ERCC3: variants seen among roughly 807,000 people sequenced by gnomAD.
ERCC3 encodes ERCC excision repair 3, TFIIH core complex helicase subunit.
Under a neutral mutation model 94.2 loss-of-function variants are expected in ERCC3, and 66 were observed. The ratio of observed to expected loss-of-function variants is 0.70; its 90% CI spans 0.57 to 0.86. ERCC3 has a LOEUF of 0.86. ERCC3 is among the 40% of genes least tolerant of loss of function. ERCC3 has a pLI of 0.00. For synonymous variants in ERCC3, 349 were observed against 369.1 expected, an observed-to-expected ratio of 0.95 and a Z score of 0.63; for missense variants, 829 against 987.1, an observed-to-expected ratio of 0.84 and a Z score of 2.15.
intron 3 of ERCC3, chr2:127,290,625 A>G (rs1446993459): frequency 4.8e-5 from 17 of 356,080 alleles, no homozygotes; most frequent in Non-Finnish European, 9.1e-5. Flanking sequence ...GTATGTGCAC[A>G]GTAATTGCGG....
At position 127,264,159 on chromosome 2, in the gene ERCC3, A is replaced by AT. The variant is rs1684283607; in HGVS notation, c.1946-2814_1946-2813insA. On this transcript the variant is annotated intron_variant, in intron 12 of 14. Coordinates refer to ENST00000285398, the MANE Select transcript of ERCC3 (RefSeq NM_000122.2). The surrounding 1 kb of genome is among the most constrained non-coding windows in gnomAD (Gnocchi z 4.4). ...GGGTTTTTATCATGAAGGAATGTTG[A>AT]ATTTTATCAAAAGCTCTTTCTGGGC... Among the ~76,000 whole-genome samples the AT allele has an allele frequency of 6.6e-6, 1 of 152,138 alleles. No homozygotes were observed. The highest frequency in any genetic ancestry group is 2.1e-4 in the South Asian group (1 of 4,834).
chr2:127,263,723 T>C (rs1684266999), intron 12 of ERCC3, among the ~76,000 whole-genome samples: 1 of 148,278 alleles, frequency 6.7e-6, no homozygotes, highest in Admixed American at 6.8e-5. Flanking sequence ...TTTTTTTTTC[T>C]GGGGGACGGA....
At chr2:127,260,852 T>C (rs1035078504) in intron 13 of ERCC3, 2 of 220,558 alleles carry the variant, frequency 9.1e-6, no homozygotes, top group Admixed American at 1.0e-4. Context: ...TTAAAATACC[T>C]GATTTGTAGT....
chr2:127,290,090 CTT>C lies in ERCC3; in HGVS notation c.521+132_521+133del, dbSNP rs910526854. The C allele has an allele frequency of 7.5e-5, 64 of 851,482 alleles. No individual in the cohort carries two copies. The East Asian group carries it at 1.3e-3, about 17-fold the overall frequency. The allele number at this position is 851,482 out of a possible 1,614,324, so 52.7% of individuals were successfully genotyped here. ...TGAGTTTCCAGTCTGGGCCACATCT[CTT>C]GTTTCTCTTCTCTTATCTGTGCTTC... On this transcript the variant is annotated intron_variant, in intron 4 of 14. Transcript: ENST00000285398.
chr2:127,286,779 C>G lies in ERCC3; in HGVS notation c.1266G>C (p.Glu422Asp). The G allele has an allele frequency of 6.2e-7, 1 of 1,614,160 alleles. No individual in the cohort carries two copies. The highest frequency in any genetic ancestry group is 1.3e-5 in the African/African-American group (1 of 75,052). Reference sequence around the variant, plus strand: ...TGAGCCACTCCATGACTCGCTCGGCCTCCCAGGACCTTTTGGTGGTGTGGC... The same window carrying G: ...TGAGCCACTCCATGACTCGCTCGGCGTCCCAGGACCTTTTGGTGGTGTGGC... Reference protein sequence around the residue: ...MLGHTTKRSWEAERVMEWLKT... With the variant: ...MLGHTTKRSWDAERVMEWLKT... Residue 422 changes from glutamate to aspartate, a missense_variant, in exon 8 of 15, where the codon GAG (glutamate) becomes GAC (aspartate). Physicochemically the swap from Glu to Asp is conservative, Grantham distance 45. Coordinates refer to ENST00000285398, the MANE Select transcript of ERCC3 (RefSeq NM_000122.2).
Position 127,292,597 on chromosome 2 carries a change from A to G in ERCC3, c.471+13T>C. ...CAGGGCAGGTGGAATTGCTGGTCTC[A>G]GCTGTCACTTGCCTTAATAAACTGC... On this transcript the variant is annotated intron_variant, in intron 3 of 14. Transcript: ENST00000285398. The G allele has an allele frequency of 1.9e-6, 3 of 1,538,782 alleles. No individual in the cohort carries two copies. Among genetic ancestry groups the G allele is most frequent in the African/African-American group, 1.4e-5 (1 of 73,496 alleles).
intron 10 of ERCC3, among the ~76,000 whole-genome samples, chr2:127,278,726 C>T (rs2104758946): frequency 6.6e-6 from 1 of 152,338 alleles, no homozygotes; most frequent in South Asian, 2.1e-4. Context: ...GAGGATACTG[C>T]GTGGGCATTT....
chr2:127,273,048 A>G, intron 10 of ERCC3, 87 bp from the exon 11 acceptor site: 1 of 857,308 alleles, frequency 1.2e-6, no homozygotes, highest in Non-Finnish European at 2.0e-6. Flanking sequence ...AGCTCAGGCT[A>G]GCTCTTCTCA....
At position 127,257,555 on chromosome 2, in the gene ERCC3, G is replaced by A. The variant is rs1684050585; in HGVS notation, c.*41C>T. ...TGCTGAAAATCCCTTTCCAACAAGG[G>A]TGCCAAGCGCCGGTCTTGAACGAAG... is the stretch of plus-strand genomic sequence containing the variant. On this transcript the variant is annotated 3_prime_UTR_variant, in exon 15 of 15. Transcript: ENST00000285398. The surrounding 1 kb of genome is among the most constrained non-coding windows in gnomAD (Gnocchi z 5.4). 6.2e-6 allele frequency: 10 copies of A among 1,611,998 alleles called. No individual in the cohort carries two copies. The highest frequency in any genetic ancestry group is 8.5e-6 in the Non-Finnish European group (10 of 1,179,462).
chr2:127,293,533 T>C lies in ERCC3; in HGVS notation c.214A>G (p.Thr72Ala), dbSNP rs1558965389. ...CTTACCACCCAGAGGGGCCTGGAGG[T>C]GTGGTCGTCCTTCAGCGGCATTTGC... ...RLQMPLKDDH[T>A]SRPLWVAPDG... Residue 72 changes from threonine to alanine, a missense_variant, in exon 2 of 15, where the codon ACC (threonine) becomes GCC (alanine). By Grantham distance (58) the Thr-to-Ala change is moderately conservative. Coordinates refer to ENST00000285398, the MANE Select transcript of ERCC3 (RefSeq NM_000122.2). 9 of 1,613,898 alleles carry C rather than the reference T, an allele frequency of 5.6e-6. No individual in the cohort carries two copies. Among genetic ancestry groups the C allele is most frequent in the Non-Finnish European group, 7.6e-6 (9 of 1,179,962 alleles).
Position 127,264,805 on chromosome 2 carries a change from T to A in ERCC3, c.1946-3459A>T, listed in dbSNP as rs1240409174. On this transcript the variant is annotated intron_variant, in intron 12 of 14. Coordinates refer to ENST00000285398, the MANE Select transcript of ERCC3 (RefSeq NM_000122.2). The surrounding 1 kb of genome is among the most constrained non-coding windows in gnomAD (Gnocchi z 4.4). ...CCTCAATTTTTTTGAATAGTTTCAG[T>A]AGAACTGAATACATCTGGTCCAGGA... Among the ~76,000 whole-genome samples, 1 of 152,102 alleles carries A rather than the reference T, an allele frequency of 6.6e-6. No homozygotes were observed. The highest frequency in any genetic ancestry group is 1.5e-5 in the Non-Finnish European group (1 of 68,034).
At chr2:127,275,800 T>G (rs897745963) in intron 10 of ERCC3, among the ~76,000 whole-genome samples, 1 of 151,984 alleles carries the variant, frequency 6.6e-6, no homozygotes, top group African/African-American at 2.4e-5. Flanking sequence ...TGGGTAACAT[T>G]TCAGAAGCTG....
rs1376828073 is a variant in ERCC3, at chr2:127,271,982, G to C, written c.1828-529C>G. ...AAGGTTTGGTGCTTATAAGCGCCCA[G>C]CCACAATCACATAAAATCTCATTTC... is the stretch of plus-strand genomic sequence containing the variant. On this transcript the variant is annotated intron_variant, in intron 11 of 14. Coordinates refer to ENST00000285398, the MANE Select transcript of ERCC3 (RefSeq NM_000122.2). This position sits in a 1 kb window ranked among gnomAD's most constrained non-coding sequence, Gnocchi z 5.0. Among the ~76,000 whole-genome samples the C allele has an allele frequency of 6.9e-6, 1 of 144,188 alleles. No homozygotes were observed. Among genetic ancestry groups the C allele is most frequent in the African/African-American group, 2.5e-5 (1 of 39,220 alleles). 94.6% of individuals were successfully genotyped at this position (144,188 alleles called of 152,430 possible).
At chr2:127,293,442 CTG>C (rs1685347078) in intron 2 of ERCC3, 69 bp downstream of exon 2, 4 of 1,399,470 alleles carry the variant, frequency 2.9e-6, no homozygotes, top group East Asian at 2.4e-5. Context: ...AGTTTTGACT[CTG>C]AGGATGCCCA....
rs1156901770 is a variant in ERCC3, at chr2:127,291,223, G to A, written c.472-950C>T. 6.6e-6 allele frequency among the ~76,000 whole-genome samples: 1 copy of A among 152,190 alleles called. No homozygotes were observed. Among genetic ancestry groups the A allele is most frequent in the Non-Finnish European group, 1.5e-5 (1 of 68,046 alleles). Reference sequence around the variant, plus strand: ...AGCCAAGACCAGGCAGAGCCACAGTGTTGGTACAAGGTCCTCTCCTTGGGC... The same window carrying A: ...AGCCAAGACCAGGCAGAGCCACAGTATTGGTACAAGGTCCTCTCCTTGGGC... On this transcript the variant is annotated intron_variant, in intron 3 of 14. Coordinates refer to ENST00000285398, the MANE Select transcript of ERCC3 (RefSeq NM_000122.2). The surrounding 1 kb of genome is among the most constrained non-coding windows in gnomAD (Gnocchi z 4.9).
chr2:127,290,240 C>G lies in ERCC3; in HGVS notation c.505G>C (p.Val169Leu). 3 of 1,613,972 alleles carry G rather than the reference C, an allele frequency of 1.9e-6. No individual in the cohort carries two copies. Among genetic ancestry groups the G allele is most frequent in the Non-Finnish European group, 2.5e-6 (3 of 1,179,826 alleles). The change falls in exon 4 of 15, where the codon GTC becomes CTC. Residue 169 changes from valine (V) to leucine (L), a missense_variant. Coordinates refer to ENST00000285398, the MANE Select transcript of ERCC3 (RefSeq NM_000122.2). ...ATCTCTTACCTGTTGTGCTTCAAGA[C>G]CAGCTTGACTTTTCCATAGCTGACA... ...CTVSYGKVKL[V>L]LKHNRYFVES...
chr2:127,281,666 G>A (rs1684915911), intron 8 of ERCC3, among the ~76,000 whole-genome samples: 1 of 152,008 alleles, frequency 6.6e-6, no homozygotes, highest in Non-Finnish European at 1.5e-5. Context: ...ACACAAAGAC[G>A]TTCACAGTGA....
At chr2:127,260,073 T>C (rs1684145612) in intron 13 of ERCC3, 1 of 160,592 alleles carries the variant, frequency 6.2e-6, no homozygotes, top group South Asian at 1.7e-4. Flanking sequence ...TCCCTCCAAT[T>C]CTCATAATGT....
Position 127,292,858 on chromosome 2 carries a change from C to T in ERCC3, c.235-12G>A, listed in dbSNP as rs995243169. On this transcript the variant is annotated splice_polypyrimidine_tract_variant and intron_variant, in intron 2 of 14. Transcript: ENST00000285398. ...TGGCCATCGGGAGCCTGAGAGATAC[C>T]AAATGGACAAAACAGACAAGGAAAC... 1 of 1,524,010 alleles carries T rather than the reference C, an allele frequency of 6.6e-7. No homozygotes were observed. The allele number at this position is 1,524,010 out of a possible 1,614,324, so 94.4% of individuals were successfully genotyped here.
Sources: gnomAD v4.1 joint callset for allele counts (sites outside exome capture counted in the v4.1 genomes callset) on GRCh38, gnomAD v4.1.1 for gene constraint, Gnocchi (gnomAD v3.1) non-coding constraint, MANE v1.5 for transcripts, NCBI Gene and HGNC (gene_info 2026-07-23, HGNC 2026-07-21) for gene names.